Variants in CSMD1 observed in about 807,000 individuals in gnomAD.
The protein encoded by CSMD1 is CUB and sushi domain-containing protein 1.
CSMD1 carries 213 observed loss-of-function variants against 417.5 expected under a neutral mutation model. The ratio of observed to expected loss-of-function variants is 0.51; its 90% confidence interval spans 0.46 to 0.57. CSMD1 has a LOEUF of 0.57. Ranked by LOEUF, CSMD1 falls within the 20% of genes least tolerant of loss-of-function variation. The pLI is 0.00. For missense variants in CSMD1, 6,923 were observed against 4,529.7 expected (o/e 1.53, Z -15.17); for synonymous variants, 2,862 against 1,736.8 (o/e 1.65, Z -16.11).
chr8:3,084,172 G>A (rs1339743406), intron 49 of CSMD1, among the ~76,000 whole-genome samples: 1 of 152,120 alleles, frequency 6.6e-6, no homozygotes, highest in African/African-American at 2.4e-5. Context: ...GTCTCTTTCT[G>A]TCATATGAGG....
At chr8:3,672,670 C>T (rs553691910) in intron 7 of CSMD1, among the ~76,000 whole-genome samples, 174 of 152,244 alleles carry the variant, frequency 1.1e-3, no homozygotes, top group Non-Finnish European at 2.1e-4. Flanking sequence ...TGTCACTGGG[C>T]ATCTGTTCCC....
chr8:4,701,431 G>C (rs570180819), intron 1 of CSMD1, among the ~76,000 whole-genome samples: 1 of 151,792 alleles, frequency 6.6e-6, no homozygotes, highest in East Asian at 1.9e-4. Flanking sequence ...CTGAACCACA[G>C]CTGGAGAGTC....
intron 3 of CSMD1, among the ~76,000 whole-genome samples, chr8:4,211,560 C>G (rs1043547325): frequency 2.0e-5 from 3 of 152,104 alleles, no homozygotes; most frequent in Non-Finnish European, 4.4e-5. Flanking sequence ...GAAATGTTTA[C>G]TCAAATTAGA....
intron 18 of CSMD1, among the ~76,000 whole-genome samples, chr8:3,377,901 A>G (rs912457699): frequency 6.6e-5 from 10 of 152,106 alleles, no homozygotes; most frequent in African/African-American, 9.7e-5. Flanking sequence ...ATGTTATATT[A>G]TCTCTCTCTC....
At chr8:4,172,709 G>C (rs188512770) in intron 3 of CSMD1, among the ~76,000 whole-genome samples, 7 of 152,278 alleles carry the variant, frequency 4.6e-5, no homozygotes, top group South Asian at 2.1e-4. Context: ...TTGCAAAAGT[G>C]ACAGGATATC....
chr8:3,874,637 G>C (rs771604660), intron 5 of CSMD1, among the ~76,000 whole-genome samples: 68 of 152,130 alleles, frequency 4.5e-4, no homozygotes, highest in Non-Finnish European at 2.9e-4. Flanking sequence ...ATGTTTTTTG[G>C]TTTCCAAAAG....
intron 2 of CSMD1, among the ~76,000 whole-genome samples, chr8:4,555,217 G>T (rs1798034612): frequency 6.6e-6 from 1 of 152,170 alleles, no homozygotes; most frequent in African/African-American, 2.4e-5. Context: ...AATGCAGGAA[G>T]ACCAGCTTAC....
intron 1 of CSMD1, among the ~76,000 whole-genome samples, chr8:4,796,365 T>C (rs1797983159): frequency 6.6e-6 from 1 of 152,010 alleles, no homozygotes; most frequent in South Asian, 2.1e-4. Context: ...GACCCAGCTT[T>C]ATAAAGTTTA....
At chr8:4,694,031 G>C (rs768244175) in intron 1 of CSMD1, among the ~76,000 whole-genome samples, 6 of 152,206 alleles carry the variant, frequency 3.9e-5, no homozygotes, top group Admixed American at 6.5e-5. Flanking sequence ...AAAGGGAAAA[G>C]TCAAGCTGGG....
intron 26 of CSMD1, among the ~76,000 whole-genome samples, chr8:3,264,870 G>GTT (rs1473678324): frequency 6.6e-6 from 1 of 151,782 alleles, no homozygotes; most frequent in Non-Finnish European, 1.5e-5. Context: ...GTGGGTGTGT[G>GTT]TGGCCTGTGT....
At position 3,000,115 on chromosome 8, in the gene CSMD1, G is replaced by T. The variant is rs778898826; in HGVS notation, c.8046C>A (p.Ser2682=). The T allele has an allele frequency of 1.3e-6, 2 of 1,552,742 alleles. No homozygotes were observed. Among genetic ancestry groups the T allele is most frequent in the South Asian group, 2.5e-5 (2 of 81,420 alleles). ...TGTGACCGTTCACAATCGGGTCTGG[G>T]GAACCGCAGTGGCCAGCTAAAAATG... ...ETRCLAGHCG[S]PDPIVNGHIS... Residue 2682 remains serine, a synonymous_variant, in exon 53 of 70, where the codon TCC becomes TCA. Coordinates refer to ENST00000635120, the MANE Select transcript of CSMD1 (RefSeq NM_033225.6).
chr8:3,483,281 A>G (rs1472948785), intron 11 of CSMD1, among the ~76,000 whole-genome samples: 2 of 152,090 alleles, frequency 1.3e-5, no homozygotes, highest in Non-Finnish European at 2.9e-5. Flanking sequence ...AATTACAAAT[A>G]CCAGAAATAA....
chr8:3,361,540 T>C (rs1809170230), intron 20 of CSMD1, among the ~76,000 whole-genome samples: 1 of 150,420 alleles, frequency 6.6e-6, no homozygotes, highest in African/African-American at 2.4e-5. Context: ...TAATCCCAGC[T>C]ACTCGGGAGG....
intron 3 of CSMD1, among the ~76,000 whole-genome samples, chr8:4,101,110 C>T (rs767213528): frequency 1.8e-4 from 27 of 152,142 alleles, no homozygotes; most frequent in Non-Finnish European, 2.8e-4. Flanking sequence ...GGTTAACCAG[C>T]GAATAGTCTT....
At chr8:4,705,809 G>C (rs1464772733) in intron 1 of CSMD1, among the ~76,000 whole-genome samples, 1 of 152,068 alleles carries the variant, frequency 6.6e-6, no homozygotes, top group Non-Finnish European at 1.5e-5. Context: ...CTAGTTCTGG[G>C]AGAAAGATTA....
intron 2 of CSMD1, among the ~76,000 whole-genome samples, chr8:4,462,629 G>T (rs537232879): frequency 6.6e-6 from 1 of 152,150 alleles, no homozygotes; most frequent in Non-Finnish European, 1.5e-5. Context: ...CATTATGCTT[G>T]CATTAGACAC....
At chr8:4,716,704 A>G (rs1808681959) in intron 1 of CSMD1, among the ~76,000 whole-genome samples, 2 of 152,214 alleles carry the variant, frequency 1.3e-5, no homozygotes, top group Admixed American at 1.3e-4. Context: ...AGGACTATTC[A>G]AGATGATTTT....
chr8:4,533,546 T>C (rs1052598677), intron 2 of CSMD1, among the ~76,000 whole-genome samples: 4 of 152,162 alleles, frequency 2.6e-5, no homozygotes, highest in Non-Finnish European at 5.9e-5. Flanking sequence ...ACAATATTCT[T>C]GGGAATTTTT....
chr8:3,783,214 G>A (rs556315639), intron 5 of CSMD1, among the ~76,000 whole-genome samples: 2 of 152,126 alleles, frequency 1.3e-5, no homozygotes, highest in African/African-American at 2.4e-5. Flanking sequence ...CTTGTTCCTG[G>A]ATAGCAGTGC....
Sources: gnomAD v4.1 joint callset for allele counts (sites outside exome capture counted in the v4.1 genomes callset) on GRCh38, gnomAD v4.1.1 for gene constraint, MANE v1.5 for transcripts, NCBI Gene and HGNC (gene_info 2026-07-23, HGNC 2026-07-21) for gene names.